TTC28: variants seen among roughly 807,000 people sequenced by gnomAD.
TTC28 encodes tetratricopeptide repeat domain 28.
In TTC28, 61 loss-of-function variants were observed where a neutral mutation model predicts 198.0. The observed-to-expected ratio is 0.31, with a 90% confidence interval of 0.25 to 0.38. The LOEUF (loss-of-function observed/expected upper bound fraction) is 0.38, where lower values mean the gene tolerates loss of function less well. Ranked by LOEUF, TTC28 falls within the 10% of genes least tolerant of loss-of-function variation. The probability of loss-of-function intolerance (pLI) is 1.00; values close to 1 mark genes in which losing one functional copy is unlikely to be tolerated. For missense variants in TTC28, 2,678 were observed against 3,164.0 expected (o/e 0.85, Z 3.69); for synonymous variants, 1,171 against 1,297.8 (o/e 0.90, Z 2.10).
intron 6 of TTC28, among the ~76,000 whole-genome samples, chr22:28,162,595 C>G (rs1297176178): frequency 6.6e-6 from 1 of 152,110 alleles, no homozygotes; most frequent in Non-Finnish European, 1.5e-5. Context: ...CTAATCCTTA[C>G]AGCACCACGA....
chr22:28,385,447 T>G (rs1463083430), intron 2 of TTC28, among the ~76,000 whole-genome samples: 1 of 151,648 alleles, frequency 6.6e-6, no homozygotes, highest in Non-Finnish European at 1.5e-5. Flanking sequence ...TTTAATATAC[T>G]TTTTTACAGT....
intron 5 of TTC28, among the ~76,000 whole-genome samples, chr22:28,262,640 T>C (rs916358864): frequency 1.3e-5 from 2 of 152,026 alleles, no homozygotes; most frequent in Non-Finnish European, 2.9e-5. Flanking sequence ...AAAATATGAA[T>C]AAAATAAAAT....
intron 6 of TTC28, among the ~76,000 whole-genome samples, chr22:28,124,579 C>A (rs1178685561): frequency 1.3e-5 from 2 of 152,192 alleles, no homozygotes; most frequent in African/African-American, 2.4e-5. Flanking sequence ...GGTCACACAT[C>A]TAGAAAGGGC....
At chr22:28,553,429 T>C in intron 2 of TTC28, among the ~76,000 whole-genome samples, 2 of 143,280 alleles carry the variant, frequency 1.4e-5, no homozygotes, top group South Asian at 2.3e-4. Context: ...GGAGCGCCTC[T>C]GCCCCGCCGC....
intron 6 of TTC28, among the ~76,000 whole-genome samples, chr22:28,154,865 A>G (rs1943717005): frequency 6.6e-6 from 1 of 152,130 alleles, no homozygotes; most frequent in Admixed American, 6.5e-5. Flanking sequence ...TGTCATCTCT[A>G]TCTTCTTTCT....
At chr22:28,360,221 T>TA (rs1005216371) in intron 2 of TTC28, among the ~76,000 whole-genome samples, 1 of 152,008 alleles carries the variant, frequency 6.6e-6, no homozygotes, top group African/African-American at 2.4e-5. Flanking sequence ...AATTCCAGTA[T>TA]AAAAAACAGA....
intron 2 of TTC28, among the ~76,000 whole-genome samples, chr22:28,408,687 C>T (rs1422667815): frequency 1.3e-5 from 2 of 152,230 alleles, no homozygotes; most frequent in Non-Finnish European, 2.9e-5. Flanking sequence ...CTGCATCCGG[C>T]CCCAACTTAC....
At chr22:28,168,345 A>G (rs1922260804) in intron 5 of TTC28, among the ~76,000 whole-genome samples, 1 of 152,232 alleles carries the variant, frequency 6.6e-6, no homozygotes, top group African/African-American at 2.4e-5. Context: ...TGGAACCAAA[A>G]AAGAGCCCGC....
intron 12 of TTC28, among the ~76,000 whole-genome samples, chr22:28,083,947 G>A (rs181049601): frequency 1.1e-3 from 163 of 152,360 alleles, no homozygotes; most frequent in African/African-American, 3.7e-3. Context: ...ACTGCAAGGC[G>A]GAAGCGAGGC....
intron 1 of TTC28, among the ~76,000 whole-genome samples, chr22:28,678,238 TG>T (rs2052034376): frequency 6.6e-6 from 1 of 152,218 alleles, no homozygotes; most frequent in Admixed American, 6.5e-5. Flanking sequence ...TTTAAGAGAC[TG>T]GGTTTCATTG....
intron 14 of TTC28, 163 bp from the exon 15 acceptor site, chr22:28,001,716 G>A: frequency 1.3e-6 from 1 of 777,544 alleles, no homozygotes; most frequent in South Asian, 1.8e-5. Context: ...CAGCCCTGCA[G>A]GAGCGGCACC....
At chr22:28,504,897 T>C (rs2048586664) in intron 2 of TTC28, among the ~76,000 whole-genome samples, 1 of 152,158 alleles carries the variant, frequency 6.6e-6, no homozygotes, top group Non-Finnish European at 1.5e-5. Flanking sequence ...TATACAATTC[T>C]TTTTTTATAT....
chr22:27,984,813 C>G (rs1004347826), intron 22 of TTC28, among the ~76,000 whole-genome samples: 3 of 152,242 alleles, frequency 2.0e-5, no homozygotes, highest in Non-Finnish European at 4.4e-5. Context: ...CCATAACCAC[C>G]TTCCAAGCCA....
intron 14 of TTC28, among the ~76,000 whole-genome samples, chr22:28,011,390 G>C (rs1254039482): frequency 1.3e-5 from 2 of 152,196 alleles, no homozygotes; most frequent in African/African-American, 4.8e-5. Context: ...GAGCCCAGGA[G>C]TTTGAAACTA....
chr22:28,500,684 AT>A (rs1369229288), intron 2 of TTC28, among the ~76,000 whole-genome samples: 1 of 152,146 alleles, frequency 6.6e-6, no homozygotes, highest in Non-Finnish European at 1.5e-5. Flanking sequence ...AACATTTATA[AT>A]GGACAATTCC....
rs138757012 is a variant in TTC28, at chr22:28,532,915, A to G, written c.381+96637T>C. On this transcript the variant is annotated intron_variant, in intron 2 of 22. Coordinates refer to ENST00000397906, the MANE Select transcript of TTC28 (RefSeq NM_001145418.2). ...TATTGATGGGACGTATCTCAAAATC[A>G]TAAGAGCTATTTATGACAACCCACA... Among the ~76,000 whole-genome samples the G allele has an allele frequency of 2.0e-5, 3 of 152,340 alleles. No individual in the cohort carries two copies. The South Asian group carries it at 6.2e-4, about 32-fold the overall frequency.
chr22:28,578,918 CA>C (rs1278482905), intron 2 of TTC28, among the ~76,000 whole-genome samples: 1 of 152,056 alleles, frequency 6.6e-6, no homozygotes, highest in Non-Finnish European at 1.5e-5. Flanking sequence ...CAGCAAGCCT[CA>C]CTACTATGGG....
intron 2 of TTC28, among the ~76,000 whole-genome samples, chr22:28,555,966 T>C (rs1357700948): frequency 6.6e-6 from 1 of 152,304 alleles, no homozygotes; most frequent in African/African-American, 2.4e-5. Flanking sequence ...CATCATCATA[T>C]ATCAGACTTT....
intron 13 of TTC28, among the ~76,000 whole-genome samples, chr22:28,018,292 C>CAT (rs1569085436): frequency 5.7e-5 from 3 of 52,240 alleles, no homozygotes; most frequent in African/African-American, 2.5e-4. Context: ...TGTGTGCGCG[C>CAT]GTGTGTGCGC....
Sources: allele counts gnomAD v4.1 joint callset (sites outside exome capture counted in the v4.1 genomes callset), GRCh38; gene constraint gnomAD v4.1.1; transcripts MANE v1.5; gene names NCBI Gene and HGNC (gene_info 2026-07-23, HGNC 2026-07-21).